Variants in PTK2 observed in about 807,000 individuals in gnomAD.
PTK2 encodes protein tyrosine kinase 2, also known as focal adhesion kinase 1.
In PTK2, 45 loss-of-function variants were observed where a neutral mutation model predicts 150.1. The observed-to-expected ratio is 0.30, with a 90% CI of 0.24 to 0.38. The LOEUF (loss-of-function observed/expected upper bound fraction) is 0.38. PTK2 is among the 10% of genes least tolerant of loss of function. The pLI is 1.00. For synonymous variants in PTK2, 432 were observed against 449.2 expected, an observed-to-expected ratio of 0.96 and a Z score of 0.48; for missense variants, 919 against 1,307.3, an observed-to-expected ratio of 0.70 and a Z score of 4.58.
chr8:140,921,095 T>A, intron 2 of PTK2: 4 of 1,308,418 alleles, frequency 3.1e-6, no homozygotes, highest in Non-Finnish European at 3.9e-6. Context: ...GCTTGAAGAA[T>A]GCCTCTCAGT....
At chr8:140,831,335 C>A (rs2100115266) in intron 7 of PTK2, among the ~76,000 whole-genome samples, 1 of 152,094 alleles carries the variant, frequency 6.6e-6, no homozygotes, top group Non-Finnish European at 1.5e-5. Flanking sequence ...TAAGGAACGT[C>A]AGGAAACACA....
At chr8:140,842,375 T>C (rs568594610) in intron 7 of PTK2, among the ~76,000 whole-genome samples, 43 of 152,064 alleles carry the variant, frequency 2.8e-4, no homozygotes, top group African/African-American at 2.7e-4. Context: ...CAGTTTGGTT[T>C]TTATCCTGAT....
intron 5 of PTK2, among the ~76,000 whole-genome samples, chr8:140,863,085 GAAC>G (rs1236214307): frequency 6.6e-6 from 1 of 152,038 alleles, no homozygotes; most frequent in Non-Finnish European, 1.5e-5. Context: ...GAAAAATATA[GAAC>G]AACTTACCTT....
chr8:140,919,443 C>G (rs769654978), intron 2 of PTK2, among the ~76,000 whole-genome samples: 19 of 152,166 alleles, frequency 1.2e-4, no homozygotes, highest in Non-Finnish European at 2.4e-4. Flanking sequence ...AAAAAGAAAT[C>G]CAGTAGCTGA....
At chr8:140,782,125 A>G (rs146893430) in intron 14 of PTK2, among the ~76,000 whole-genome samples, 4 of 152,346 alleles carry the variant, frequency 2.6e-5, no homozygotes, top group African/African-American at 9.6e-5. Flanking sequence ...GAACAGATCA[A>G]TAACATTCAA....
At chr8:140,831,440 A>C (rs1406194603) in intron 7 of PTK2, among the ~76,000 whole-genome samples, 1 of 152,260 alleles carries the variant, frequency 6.6e-6, no homozygotes, top group Non-Finnish European at 1.5e-5. Flanking sequence ...ATCAAGAAAC[A>C]GGGATGACTT....
rs114473480 is a variant in PTK2, at chr8:140,790,046, G to C, written c.1125-520C>G. On this transcript the variant is annotated intron_variant, in intron 13 of 31. Transcript: ENST00000522684. ...GTAATCTCAATGTATCTTGCTACTT[G>C]CTTCATGACATGGTTTAACACTAGT... 4.9e-3 allele frequency among the ~76,000 whole-genome samples: 739 copies of C among 152,112 alleles called. 4 individuals carry two copies. The highest frequency in any genetic ancestry group is 0.017 in the African/African-American group (707 of 41,462).
chr8:140,876,888 C>T (rs1053914205), intron 4 of PTK2, among the ~76,000 whole-genome samples: 8 of 152,080 alleles, frequency 5.3e-5, no homozygotes, highest in Admixed American at 4.6e-4. Context: ...CTTACTGACA[C>T]TTAAATTCCT....
At chr8:140,907,929 A>G in intron 2 of PTK2, among the ~76,000 whole-genome samples, 1 of 120,152 alleles carries the variant, frequency 8.3e-6, no homozygotes, top group South Asian at 2.7e-4. Context: ...ATAACCCTAC[A>G]ATGGCCTCTA....
rs1281327307 is a variant in PTK2 at position 140,718,011 on chromosome 8, A to C, written c.2031-302T>G. ...GCCAAGATGAAATGTTTGCATGCCA[A>C]AGTTTATCTTGAGCAGAACAGAATT... On this transcript the variant is annotated intron_variant, in intron 22 of 31. Transcript: ENST00000522684. The C allele has an allele frequency of 2.0e-5, 6 of 301,818 alleles. No individual in the cohort carries two copies. The South Asian group carries it at 2.1e-4, about 11-fold the overall frequency. The allele number at this position is 301,818 out of a possible 1,614,324, so 18.7% of individuals were successfully genotyped here.
chr8:140,893,627 G>T (rs1033388761), intron 2 of PTK2, among the ~76,000 whole-genome samples: 4 of 152,150 alleles, frequency 2.6e-5, no homozygotes, highest in Non-Finnish European at 1.5e-5. Context: ...AGTGGCTGGG[G>T]GTAGGGCAGA....
intron 26 of PTK2, among the ~76,000 whole-genome samples, chr8:140,695,410 C>T (rs574330248): frequency 1.0e-4 from 15 of 150,224 alleles, no homozygotes; most frequent in Non-Finnish European, 2.2e-4. Context: ...TAAGGTGGTC[C>T]TATTTTTTTT....
intron 29 of PTK2, 82 bp from the exon 33 acceptor site, chr8:140,669,817 A>C (rs2094586148): frequency 7.1e-7 from 1 of 1,402,778 alleles, no homozygotes; most frequent in Admixed American, 2.0e-5. Flanking sequence ...TAATAAAGGC[A>C]TAAGACAAAT....
intron 7 of PTK2, among the ~76,000 whole-genome samples, chr8:140,832,302 G>C (rs891289822): frequency 2.0e-5 from 3 of 152,094 alleles, no homozygotes; most frequent in African/African-American, 7.2e-5. Context: ...TGATCTGCCC[G>C]CTTCAGCCTC....
At chr8:140,879,692 A>AAAC in intron 3 of PTK2, 55 bp from the exon 4 acceptor site, 1 of 1,270,134 alleles carries the variant, frequency 7.9e-7, no homozygotes, top group Non-Finnish European at 1.0e-6. Flanking sequence ...AAAAAAAAAA[A>AAAC]AAAAAAAAAC....
At chr8:140,724,593 T>C (rs150664116) in intron 22 of PTK2, among the ~76,000 whole-genome samples, 101 of 152,328 alleles carry the variant, frequency 6.6e-4, no homozygotes, top group African/African-American at 2.2e-3. Context: ...TCAGTCTGGG[T>C]TTGCAGTTAT....
intron 1 of PTK2, among the ~76,000 whole-genome samples, chr8:140,951,494 A>G (rs573048992): frequency 6.6e-6 from 1 of 152,334 alleles, no homozygotes; most frequent in Admixed American, 6.5e-5. Context: ...GAATTACAGG[A>G]ACACTGGTTA....
At chr8:140,779,498 A>G (rs768546623) in intron 14 of PTK2, among the ~76,000 whole-genome samples, 13 of 152,108 alleles carry the variant, frequency 8.5e-5, no homozygotes, top group Non-Finnish European at 1.8e-4. Context: ...TCCTAGTGCT[A>G]CCATGGTTCT....
intron 23 of PTK2, among the ~76,000 whole-genome samples, chr8:140,716,683 C>A (rs907077249): frequency 3.9e-5 from 6 of 152,118 alleles, no homozygotes; most frequent in African/African-American, 9.7e-5. Flanking sequence ...AGTACTTTGT[C>A]TTATCAGGTT....
Sources: gnomAD v4.1 joint callset for allele counts (sites outside exome capture counted in the v4.1 genomes callset) on GRCh38, gnomAD v4.1.1 for gene constraint, MANE v1.5 for transcripts, NCBI Gene and HGNC (gene_info 2026-07-23, HGNC 2026-07-21) for gene names.